MVK: variants seen among roughly 807,000 people sequenced by gnomAD.
MVK encodes LH receptor mRNA-binding protein.
A neutral mutation model predicts 43.2 loss-of-function variants in MVK; 34 were observed. The observed-to-expected ratio is 0.79, with a 90% confidence interval of 0.60 to 1.05. MVK has a LOEUF of 1.05. Ranked by LOEUF, MVK falls within the 50% of genes least tolerant of loss-of-function variation. The probability of loss-of-function intolerance (pLI) is 0.00; values close to 1 mark genes in which losing one functional copy is unlikely to be tolerated. For missense variants in MVK, 395 were observed against 504.0 expected, an observed-to-expected ratio of 0.78 and a Z score of 2.07; for synonymous variants, 190 against 219.8, an observed-to-expected ratio of 0.86 and a Z score of 1.20.
At chr12:109,575,287 C>G (rs2136217540) in intron 2 of MVK, among the ~76,000 whole-genome samples, 1 of 152,238 alleles carries the variant, frequency 6.6e-6, no homozygotes, top group Admixed American at 6.5e-5. Context: ...CAAGGCATAC[C>G]CTTTTATTAT....
chr12:109,575,969 G>T, intron 2 of MVK, 29 bp from the exon 3 acceptor site: 1 of 1,613,742 alleles, frequency 6.2e-7, no homozygotes, highest in Non-Finnish European at 8.5e-7. Flanking sequence ...TCACCCTCAG[G>T]CTTATTGCTT....
At chr12:109,581,686 C>A in intron 5 of MVK, 136 bp downstream of exon 5, 1 of 1,302,172 alleles carries the variant, frequency 7.7e-7, no homozygotes. Context: ...GGAAGCTGAG[C>A]CCCGAGAGGT....
chr12:109,591,257 C>T lies in MVK; in HGVS notation c.785C>T (p.Ala262Val), dbSNP rs763106439. 3.0e-5 allele frequency: 48 copies of T among 1,614,000 alleles called. No homozygotes were observed. The Admixed American group carries it at 3.5e-4, about 12-fold the overall frequency. The part of the protein sequence containing the change: ...NRLLKFPEIV[A>V]PLLTSIDAIS... ...TTTCTCCAGTTCCCAGAGATCGTGG[C>T]CCCCCTCCTGACCTCAATAGATGCC... The change falls in exon 9 of 11, where the codon GCC becomes GTC. Residue 262 changes from alanine (A) to valine (V), a missense_variant. Coordinates refer to ENST00000228510, the MANE Select transcript of MVK (RefSeq NM_000431.4).
At chr12:109,574,696 G>T in intron 1 of MVK, 113 bp from the exon 2 acceptor site, 1 of 905,472 alleles carries the variant, frequency 1.1e-6, no homozygotes, top group South Asian at 1.4e-5. Context: ...AGTGCTGGAC[G>T]GTAACTACCT....
chr12:109,589,692 T>C (rs1178022911), intron 7 of MVK: 2 of 152,206 alleles, frequency 1.3e-5, no homozygotes, highest in African/African-American at 2.4e-5. Context: ...TCCAGCCCTA[T>C]TGGATTTTAC....
intron 3 of MVK, among the ~76,000 whole-genome samples, chr12:109,577,879 C>A (rs1309536577): frequency 6.6e-6 from 1 of 152,194 alleles, no homozygotes; most frequent in African/African-American, 2.4e-5. Flanking sequence ...ATGGAACTTG[C>A]TTTCCAAGGT....
chr12:109,586,862 C>A (rs371593457), intron 7 of MVK, 63 bp downstream of exon 7: 2 of 1,596,340 alleles, frequency 1.3e-6, no homozygotes, highest in African/African-American at 2.7e-5. Flanking sequence ...GGGGGCAGAG[C>A]TCTGCACCTT....
At chr12:109,574,064 G>GT (rs1289775977) in intron 1 of MVK, among the ~76,000 whole-genome samples, 191 bp downstream of exon 1, 1 of 152,208 alleles carries the variant, frequency 6.6e-6, no homozygotes, top group Non-Finnish European at 1.5e-5. Flanking sequence ...CTGAGCCTCA[G>GT]TTTTTCTAAG....
chr12:109,591,821 A>G (rs1885695429), intron 9 of MVK, among the ~76,000 whole-genome samples: 1 of 152,208 alleles, frequency 6.6e-6, no homozygotes, highest in Admixed American at 6.5e-5. Context: ...TCATCATTGC[A>G]ACCCCATCCA....
At chr12:109,581,246 A>T (rs748344498) in intron 4 of MVK, 149 bp from the exon 5 acceptor site, 1 of 953,944 alleles carries the variant, frequency 1.0e-6, no homozygotes, top group Non-Finnish European at 1.7e-6. Flanking sequence ...CTGATGTTCA[A>T]TAGGGATACA....
At chr12:109,584,435 C>A in intron 5 of MVK, among the ~76,000 whole-genome samples, 1 of 152,198 alleles carries the variant, frequency 6.6e-6, no homozygotes, top group African/African-American at 2.4e-5. Context: ...CATCCTATCT[C>A]CTGGGCATTA....
intron 6 of MVK, 52 bp downstream of exon 6, chr12:109,586,177 T>G: frequency 1.4e-6 from 2 of 1,399,860 alleles, no homozygotes; most frequent in Non-Finnish European, 2.0e-6. Flanking sequence ...AAATTCTTAT[T>G]ACAATGGTAG....
chr12:109,589,122 A>C (rs910497362), intron 7 of MVK: 6 of 150,966 alleles, frequency 4.0e-5, no homozygotes, highest in African/African-American at 1.5e-4. Flanking sequence ...CGAGGAGAGA[A>C]GAAGAGGCTG....
chr12:109,580,096 G>T (rs535362088), intron 4 of MVK, 150 bp downstream of exon 4: 1 of 1,198,268 alleles, frequency 8.3e-7, no homozygotes, highest in African/African-American at 1.5e-5. Context: ...ACCCTGCCAG[G>T]CACGGTATAT....
intron 7 of MVK, chr12:109,588,358 C>G (rs1170024909): frequency 2.6e-5 from 4 of 152,260 alleles, no homozygotes; most frequent in African/African-American, 9.7e-5. Context: ...TCCTGAGAGC[C>G]ACTTGTGGCC....
chr12:109,590,636 C>T, intron 7 of MVK, 135 bp from the exon 8 acceptor site: 1 of 781,212 alleles, frequency 1.3e-6, no homozygotes, highest in South Asian at 1.4e-5. Context: ...CCCATGCTCC[C>T]CCAATCCAGT....
intron 7 of MVK, chr12:109,590,382 C>A: frequency 2.9e-6 from 1 of 343,168 alleles, no homozygotes; most frequent in Admixed American, 3.9e-5. Flanking sequence ...AAATCCTCAC[C>A]CTTCTAGCTT....
rs1566152942 is a variant in MVK, at chr12:109,595,108, C to T, written c.966C>T (p.Thr322=). ...HASLDQLCQV[T]RARGLHSKLT... ...CTCTGGACCAGCTCTGCCAGGTGACCAGGGCCCGCGGACTTCACAGCAAGC... is the reference window on the plus strand; with the variant it reads ...CTCTGGACCAGCTCTGCCAGGTGACTAGGGCCCGCGGACTTCACAGCAAGC... The change falls in exon 10 of 11, where the codon ACC becomes ACT. Residue 322 remains threonine (T), a synonymous_variant. Coordinates refer to ENST00000228510, the MANE Select transcript of MVK (RefSeq NM_000431.4). This position sits in a 1 kb window ranked among gnomAD's most constrained non-coding sequence, Gnocchi z 5.9. 1.2e-6 allele frequency: 2 copies of T among 1,614,178 alleles called. No homozygotes were observed. The highest frequency in any genetic ancestry group is 3.3e-5 in the Admixed American group (2 of 60,030).
At chr12:109,580,522 A>G (rs939868903) in intron 4 of MVK, among the ~76,000 whole-genome samples, 11 of 152,174 alleles carry the variant, frequency 7.2e-5, no homozygotes, top group African/African-American at 2.7e-4. Flanking sequence ...GCCAGGCTCT[A>G]TGCTGAGGAC....
Sources: gnomAD v4.1 joint callset for allele counts (sites outside exome capture counted in the v4.1 genomes callset) on GRCh38, gnomAD v4.1.1 for gene constraint, Gnocchi (gnomAD v3.1) non-coding constraint, MANE v1.5 for transcripts, NCBI Gene and HGNC (gene_info 2026-07-23, HGNC 2026-07-21) for gene names.